Variants in ROS1 observed in about 807,000 individuals in gnomAD.
ROS1 encodes the protein ROS proto-oncogene 1, receptor tyrosine kinase.
ROS1 carries 263 observed loss-of-function variants against 273.5 expected under a neutral mutation model. The ratio of observed to expected loss-of-function variants is 0.96; its 90% CI spans 0.87 to 1.06. The LOEUF (loss-of-function observed/expected upper bound fraction) is 1.06, where lower values mean the gene tolerates loss of function less well. ROS1 is among the 50% of genes least tolerant of loss of function. ROS1 has a pLI of 0.00. For missense variants in ROS1, 2,833 were observed against 2,751.1 expected, an observed-to-expected ratio of 1.03 and a Z score of -0.67; for synonymous variants, 1,008 against 954.1, an observed-to-expected ratio of 1.06 and a Z score of -1.04.
At chr6:117,310,887 A>G (rs1341944981) in intron 40 of ROS1, 133 bp downstream of exon 40, 2 of 580,314 alleles carry the variant, frequency 3.4e-6, no homozygotes, top group African/African-American at 1.9e-5. Flanking sequence ...GATTTATAAG[A>G]GAGACTTTTA....
In ROS1 at chr6:117,394,641, C is replaced by A; in HGVS notation, c.981G>T (p.Leu327Phe). ...HLVDEAHCLR[L>F]DAIYHNITGI... The stretch of plus-strand genomic sequence containing the variant: ...CTGTAATATTATGGTATATAGCATC[C>A]AACCGAAGGCAATGTGCTTCATCTA... The change falls in exon 10 of 44, where the codon TTG becomes TTT. Residue 327 changes from leucine to phenylalanine, a missense_variant. By Grantham distance (22) the Leu-to-Phe change is conservative. Transcript: ENST00000368507. 6.2e-7 allele frequency: 1 copy of A among 1,610,802 alleles called. No individual in the cohort carries two copies. The highest frequency in any genetic ancestry group is 8.5e-7 in the Non-Finnish European group (1 of 1,177,944).
At chr6:117,376,018 AAAAT>A (rs1295028382) in intron 18 of ROS1, among the ~76,000 whole-genome samples, 1 of 152,078 alleles carries the variant, frequency 6.6e-6, no homozygotes, top group African/African-American at 2.4e-5. Context: ...AATTATGCCT[AAAAT>A]AAATAGAAAA....
intron 24 of ROS1, among the ~76,000 whole-genome samples, chr6:117,358,800 T>A (rs1367913977): frequency 6.6e-6 from 1 of 151,984 alleles, no homozygotes; most frequent in African/African-American, 2.4e-5. Flanking sequence ...GTCATCTCCT[T>A]TCTCACCTCA....
In ROS1 at chr6:117,301,021, G is replaced by C. The variant is rs619203; in HGVS notation, c.6668C>G (p.Ser2223Cys). 0.24 allele frequency: 374,928 copies of C among 1,594,404 alleles called. 47,163 individuals carry two copies. Among genetic ancestry groups the C allele is most frequent in the Non-Finnish European group, 0.26 (305,708 of 1,170,016 alleles). ...RNFFLNSIYKSRDEANNSGVI... is the reference protein window; with the variant it reads ...RNFFLNSIYKCRDEANNSGVI... ...TCCACTGTTGTTTGCTTCATCTCTG[G>C]ACTTATAAATGCTATTTAAGAAAAA... The change falls in exon 43 of 44, where the codon TCC becomes TGC. Residue 2223 changes from serine (S) to cysteine (C), a missense_variant. By Grantham distance (112) the Ser-to-Cys change is moderately radical. Transcript: ENST00000368507.
At chr6:117,360,586 C>T (rs1361972730) in intron 22 of ROS1, among the ~76,000 whole-genome samples, 181 bp from the exon 23 acceptor site, 1 of 152,018 alleles carries the variant, frequency 6.6e-6, no homozygotes, top group African/African-American at 2.4e-5. Context: ...AAATATTGCT[C>T]TATATTTATG....
In ROS1 at chr6:117,394,215, A is replaced by G. The variant is rs1773306049; in HGVS notation, c.1138T>C (p.Ser380Pro). The change falls in exon 11 of 44, where the codon TCT becomes CCT. Residue 380 changes from serine to proline, a missense_variant. Ser to Pro is a moderately conservative substitution (Grantham distance 74, BLOSUM62 -1). Coordinates refer to ENST00000368507, the MANE Select transcript of ROS1 (RefSeq NM_001378902.1). ...TGATAAAGCCAATCTATGGAGATAG[A>G]AGAAATTAATCCTGAACCTCTGTAA... ...IFYRGSGLIS[S>P]ISIDWLYQRM... 1.2e-6 allele frequency: 2 copies of G among 1,605,302 alleles called. No homozygotes were observed. The highest frequency in any genetic ancestry group is 1.1e-5 in the South Asian group (1 of 89,234).
intron 27 of ROS1, 39 bp downstream of exon 27, chr6:117,352,951 A>T (rs775550283): frequency 6.3e-7 from 1 of 1,589,614 alleles, no homozygotes; most frequent in South Asian, 1.1e-5. Flanking sequence ...CTGACCCTAA[A>T]TTGGGAGAAC....
chr6:117,389,044 C>T (rs1050396538), intron 13 of ROS1, among the ~76,000 whole-genome samples: 1 of 152,180 alleles, frequency 6.6e-6, no homozygotes, highest in African/African-American at 2.4e-5. Flanking sequence ...AAAATCTCAA[C>T]CCAAGTATTC....
chr6:117,411,280 C>T (rs1021657524), intron 4 of ROS1, among the ~76,000 whole-genome samples: 1 of 149,164 alleles, frequency 6.7e-6, no homozygotes. Context: ...TCTCTCCATC[C>T]CCCCACTCCT....
chr6:117,409,681 G>C (rs920976022), intron 4 of ROS1, 39 bp from the exon 5 acceptor site: 3 of 1,550,444 alleles, frequency 1.9e-6, no homozygotes, highest in Non-Finnish European at 2.7e-6. Context: ...GGGCAGCCTT[G>C]ATACTGGTTT....
In ROS1 at chr6:117,395,925, G is replaced by A. The variant is rs538335977; in HGVS notation, c.883+263C>T. ...ACTAGTGATTTCAACTGAAACCAAA[G>A]ATTTGAGGCCATTTTTTTAAAACCC... On this transcript the variant is annotated intron_variant, in intron 9 of 43. Coordinates refer to ENST00000368507, the MANE Select transcript of ROS1 (RefSeq NM_001378902.1). 2.0e-5 allele frequency among the ~76,000 whole-genome samples: 3 copies of A among 152,204 alleles called. No individual in the cohort carries two copies. The South Asian group carries it at 6.2e-4, about 32-fold the overall frequency.
Position 117,348,951 on chromosome 6 carries a change from G to T in ROS1, c.4303+4039C>A, listed in dbSNP as rs1050430371. On this transcript the variant is annotated intron_variant, in intron 27 of 43. Coordinates refer to ENST00000368507, the MANE Select transcript of ROS1 (RefSeq NM_001378902.1). ...GCATTGTAGTCTGAGGACAGATATT[G>T]TATGATTTCTATTCTTTTAAATTTG... Among the ~76,000 whole-genome samples, 5 of 151,972 alleles carry T rather than the reference G, an allele frequency of 3.3e-5. No homozygotes were observed. The East Asian group carries it at 5.8e-4, about 18-fold the overall frequency.
rs117411966 is a variant in ROS1, at chr6:117,306,711, C to T, written c.6551+2083G>A. On this transcript the variant is annotated intron_variant, in intron 42 of 43. Transcript: ENST00000368507. ...CAAACCCCTAAGCTGGGCCTGTGAT[C>T]TCAGAAAACTGCTTCAAATAAATAT... Among the ~76,000 whole-genome samples, 477 of 152,252 alleles carry T rather than the reference C, an allele frequency of 3.1e-3. 1 individual carries two copies. Among genetic ancestry groups the T allele is most frequent in the Admixed American group, 8.2e-3 (126 of 15,284 alleles).
intron 5 of ROS1, among the ~76,000 whole-genome samples, chr6:117,406,958 A>T (rs1367055196): frequency 6.6e-6 from 1 of 152,118 alleles, no homozygotes; most frequent in Admixed American, 6.5e-5. Context: ...TGAGTGTCTA[A>T]AATACTCCAT....
At chr6:117,296,293 C>T (rs113675517) in intron 43 of ROS1, among the ~76,000 whole-genome samples, 47 of 151,708 alleles carry the variant, frequency 3.1e-4, no homozygotes, top group African/African-American at 9.9e-4. Flanking sequence ...CCCAGCTACT[C>T]GGAATGCCGA....
intron 33 of ROS1, among the ~76,000 whole-genome samples, chr6:117,327,531 T>G (rs1384561005): frequency 6.6e-6 from 1 of 152,186 alleles, no homozygotes; most frequent in Non-Finnish European, 1.5e-5. Flanking sequence ...TACAACATAC[T>G]GTACTGGGGC....
At chr6:117,342,112 A>G (rs1777982304) in intron 29 of ROS1, among the ~76,000 whole-genome samples, 1 of 152,160 alleles carries the variant, frequency 6.6e-6, no homozygotes, top group South Asian at 2.1e-4. Context: ...ATCTGGAAAA[A>G]GTGACACTGT....
intron 28 of ROS1, 129 bp from the exon 29 acceptor site, chr6:117,342,673 A>G: frequency 1.6e-6 from 1 of 614,748 alleles, no homozygotes; most frequent in Non-Finnish European, 2.7e-6. Flanking sequence ...ATTCTGGATT[A>G]TTAATGGTAA....
rs1016854799 is a variant in ROS1 at position 117,296,168 on chromosome 6, T to C, written c.6715+4806A>G. On this transcript the variant is annotated intron_variant, in intron 43 of 43. Transcript: ENST00000368507. ...ATCCCAGCACTTTGGGAGGCAGAGG[T>C]AGGCGGATCACTTGAGGTCAGGAAT... 6.6e-5 allele frequency among the ~76,000 whole-genome samples: 10 copies of C among 151,974 alleles called. No homozygotes were observed. In the East Asian group the frequency reaches 9.7e-4, roughly 15 times the overall value.
Sources: allele counts gnomAD v4.1 joint callset (sites outside exome capture counted in the v4.1 genomes callset), GRCh38; gene constraint gnomAD v4.1.1; transcripts MANE v1.5; gene names NCBI Gene and HGNC (gene_info 2026-07-23, HGNC 2026-07-21).